ADGRE5: variants seen among roughly 807,000 people sequenced by gnomAD.
ADGRE5 encodes the protein adhesion G protein-coupled receptor E5.
In ADGRE5, 72 loss-of-function variants were observed where a neutral mutation model predicts 100.3. That is an observed-to-expected ratio of 0.72 (90% CI 0.59 to 0.87). The LOEUF is 0.87. Among genes scored for constraint, ADGRE5 ranks in the 40% least tolerant of loss-of-function variants. ADGRE5 has a pLI of 0.00. For synonymous variants in ADGRE5, 439 were observed against 447.8 expected, an observed-to-expected ratio of 0.98 and a Z score of 0.25; for missense variants, 959 against 1,094.7, an observed-to-expected ratio of 0.88 and a Z score of 1.75.
At chr19:14,393,589 G>C (rs74183092) in intron 4 of ADGRE5, among the ~76,000 whole-genome samples, 3 of 152,206 alleles carry the variant, frequency 2.0e-5, no homozygotes, top group African/African-American at 7.2e-5. Context: ...GAGTGGTGCA[G>C]AGGTGGGAGG....
intron 1 of ADGRE5, among the ~76,000 whole-genome samples, chr19:14,384,539 A>G (rs1238485962): frequency 6.6e-6 from 1 of 152,136 alleles, no homozygotes; most frequent in Admixed American, 6.5e-5. Context: ...TGGGGTCCCC[A>G]GTATTCCCAG....
intron 3 of ADGRE5, among the ~76,000 whole-genome samples, chr19:14,389,519 G>C (rs1002862990): frequency 4.0e-5 from 6 of 151,184 alleles, no homozygotes; most frequent in Non-Finnish European, 7.4e-5. Context: ...GATCACTTGA[G>C]GTTGGGAATT....
intron 11 of ADGRE5, among the ~76,000 whole-genome samples, chr19:14,402,024 A>C (rs1599629923): frequency 6.6e-6 from 1 of 151,984 alleles, no homozygotes; most frequent in African/African-American, 2.4e-5. Context: ...CCAGTTACTC[A>C]GGAGGCTGAA....
In ADGRE5 at chr19:14,400,405, C is replaced by T. The variant is rs558555310; in HGVS notation, c.898-981C>T. Among the ~76,000 whole-genome samples the T allele has an allele frequency of 8.5e-5, 13 of 152,226 alleles. 1 individual carries two copies. The East Asian group carries it at 2.3e-3, about 27-fold the overall frequency. On this transcript the variant is annotated intron_variant, in intron 9 of 19. Transcript: ENST00000242786. Reference sequence around the variant, plus strand: ...CTGGGTTCAAGTGATCCTCCCACCTCAGCCTCCAAACGCACTGGAAGTACA... The same window carrying T: ...CTGGGTTCAAGTGATCCTCCCACCTTAGCCTCCAAACGCACTGGAAGTACA...
At position 14,397,106 on chromosome 19, in the gene ADGRE5, C is replaced by T. The variant is rs374215660; in HGVS notation, c.508C>T (p.Pro170Ser). ...DVNECTSGQN[P>S]CHSSTHCLNN... is the part of the protein sequence containing the mutation. ...GAATGAATGCACCTCCGGACAAAACCCGTGCCACAGCTCCACCCACTGCCT... is the reference window on the plus strand; with the variant it reads ...GAATGAATGCACCTCCGGACAAAACTCGTGCCACAGCTCCACCCACTGCCT... The change falls in exon 6 of 20, where the codon CCG (proline) becomes TCG (serine). Residue 170 changes from proline (P) to serine (S), a missense_variant. Physicochemically the swap from Pro to Ser is moderately conservative, Grantham distance 74. Coordinates refer to ENST00000242786, the MANE Select transcript of ADGRE5 (RefSeq NM_078481.4). 1.9e-5 allele frequency: 30 copies of T among 1,613,980 alleles called. No individual in the cohort carries two copies. In the African/African-American group the frequency reaches 3.7e-4, roughly 20 times the overall value.
intron 5 of ADGRE5, among the ~76,000 whole-genome samples, 159 bp downstream of exon 5, chr19:14,396,632 G>A (rs1290815154): frequency 6.6e-6 from 1 of 152,258 alleles, no homozygotes; most frequent in Non-Finnish European, 1.5e-5. Flanking sequence ...TCCCAGGAAG[G>A]TCCTGCCACA....
chr19:14,402,903 G>C (rs773784495), intron 12 of ADGRE5, 41 bp downstream of exon 12: 6 of 1,605,236 alleles, frequency 3.7e-6, no homozygotes, highest in Non-Finnish European at 4.3e-6. Flanking sequence ...GATAACCCAG[G>C]GCCTTCGCAC....
rs149838230 is a variant in ADGRE5, at chr19:14,405,484, C to G, written c.1630-264C>G. On this transcript the variant is annotated intron_variant, in intron 13 of 19. Transcript: ENST00000242786. Reference sequence around the variant, plus strand: ...TGTACGTGACTTCAGTAGGATCCATCGTTAAGCTGGGCCTTGTCGAAAACT... The same window carrying G: ...TGTACGTGACTTCAGTAGGATCCATGGTTAAGCTGGGCCTTGTCGAAAACT... The G allele has an allele frequency of 4.8e-4, 218 of 452,036 alleles. 1 individual carries two copies. Among genetic ancestry groups the G allele is most frequent in the Non-Finnish European group, 6.8e-4 (174 of 254,734 alleles). The allele number at this position is 452,036 out of a possible 1,614,324, so 28.0% of individuals were successfully genotyped here.
At position 14,407,200 on chromosome 19, in the gene ADGRE5, T is replaced by C; in HGVS notation, c.2347T>C (p.Tyr783His). 6.2e-7 allele frequency: 1 copy of C among 1,613,974 alleles called. No homozygotes were observed. The highest frequency in any genetic ancestry group is 8.5e-7 in the Non-Finnish European group (1 of 1,179,944). Residue 783 changes from tyrosine to histidine, a missense_variant, in exon 18 of 20, where the codon TAC becomes CAC. Coordinates refer to ENST00000242786, the MANE Select transcript of ADGRE5 (RefSeq NM_078481.4). The stretch of plus-strand genomic sequence containing the variant: ...CAACTGCCTGCAGGGCGCCTTCCTC[T>C]ACCTGCTGCACTGCCTGCTCAACAA... ...ILNCLQGAFLYLLHCLLNKKV... is the reference protein window; with the variant it reads ...ILNCLQGAFLHLLHCLLNKKV...
Position 14,402,830 on chromosome 19 carries a change from G to A in ADGRE5, c.1417G>A (p.Asp473Asn), listed in dbSNP as rs373800132. Residue 473 changes from aspartate to asparagine, a missense_variant, in exon 12 of 20, where the codon GAT becomes AAT. Transcript: ENST00000242786. The stretch of plus-strand genomic sequence containing the variant: ...CGCCTTCTCCCACCTTGAGTCCTCC[G>A]ATGGGGAGGCGGGAAGAGACCCTCC... ...LFAFSHLESS[D>N]GEAGRDPPAK... 2.2e-5 allele frequency: 36 copies of A among 1,613,796 alleles called. No homozygotes were observed. The highest frequency in any genetic ancestry group is 6.6e-5 in the South Asian group (6 of 91,066).
At position 14,401,803 on chromosome 19, in the gene ADGRE5, G is replaced by T; in HGVS notation, c.1183+43G>T. On this transcript the variant is annotated intron_variant, in intron 11 of 19. Coordinates refer to ENST00000242786, the MANE Select transcript of ADGRE5 (RefSeq NM_078481.4). This position sits in a 1 kb window ranked among gnomAD's most constrained non-coding sequence, Gnocchi z 4.1. ...GAGGGGGAGCCCGTGGGAGAGAGAT[G>T]GAGGTGCTGGGATGGGGCCAGGGTG... is the stretch of plus-strand genomic sequence containing the variant. 1 of 1,340,098 alleles carries T rather than the reference G, an allele frequency of 7.5e-7. No individual in the cohort carries two copies. The highest frequency in any genetic ancestry group is 1.4e-5 in the South Asian group (1 of 70,336). The allele number at this position is 1,340,098 out of a possible 1,614,324, so 83.0% of individuals were successfully genotyped here. A position where few individuals can be genotyped will look rare whatever the true frequency, so the allele number is the denominator to read the frequency against.
intron 4 of ADGRE5, 69 bp from the exon 5 acceptor site, chr19:14,396,273 T>C: frequency 1.2e-6 from 2 of 1,613,130 alleles, no homozygotes; most frequent in Non-Finnish European, 1.7e-6. Context: ...CCAGGAAACA[T>C]GGCGGACCCT....
In ADGRE5 at chr19:14,391,042, A is replaced by C. The variant is rs777939112; in HGVS notation, c.309A>C (p.Ala103=). 4.3e-6 allele frequency: 7 copies of C among 1,614,108 alleles called. No homozygotes were observed. The South Asian group carries it at 7.7e-5, about 18-fold the overall frequency. The change falls in exon 4 of 20, where the codon GCA becomes GCC. Residue 103 remains alanine, a synonymous_variant. Coordinates refer to ENST00000242786, the MANE Select transcript of ADGRE5 (RefSeq NM_078481.4). Reference sequence around the variant, plus strand: ...CGGGATATGAGCCTGTTTCTGGGGCAAAAACATTCAAGAATGAGAGCGAGA... The same window carrying C: ...CGGGATATGAGCCTGTTTCTGGGGCCAAAACATTCAAGAATGAGAGCGAGA... ...CSPGYEPVSG[A]KTFKNESENT...
intron 9 of ADGRE5, among the ~76,000 whole-genome samples, chr19:14,400,790 T>A (rs1975978894): frequency 6.6e-6 from 1 of 151,732 alleles, no homozygotes; most frequent in Admixed American, 6.6e-5. Context: ...AGACTTAGTC[T>A]CAGATAAATA....
At chr19:14,386,119 C>T (rs986781593) in intron 1 of ADGRE5, among the ~76,000 whole-genome samples, 4 of 149,092 alleles carry the variant, frequency 2.7e-5, no homozygotes, top group African/African-American at 4.9e-5. Context: ...CAGGGCCTGG[C>T]GGCTTGTGCC....
In ADGRE5 at chr19:14,403,832, C is replaced by T. The variant is rs1034217288; in HGVS notation, c.1450-551C>T. ...TAATGCACTATCTACATTACTTATTCGTTAGGTTTATGTCATAATCTGCCT... is the reference window on the plus strand; with the variant it reads ...TAATGCACTATCTACATTACTTATTTGTTAGGTTTATGTCATAATCTGCCT... On this transcript the variant is annotated intron_variant, in intron 12 of 19. Transcript: ENST00000242786. Among the ~76,000 whole-genome samples the T allele has an allele frequency of 2.2e-5, 3 of 135,950 alleles. No homozygotes were observed. In the South Asian group the frequency reaches 7.5e-4, roughly 34 times the overall value. 89.2% of individuals were successfully genotyped at this position (135,950 alleles called of 152,430 possible).
chr19:14,400,106 G>A (rs571527908), intron 9 of ADGRE5, among the ~76,000 whole-genome samples: 50 of 151,630 alleles, frequency 3.3e-4, no homozygotes, highest in Non-Finnish European at 5.3e-4. Context: ...TGCAAGCTCC[G>A]CCTCCCGGGT....
rs954753896 is a variant in ADGRE5 at position 14,401,987 on chromosome 19, C to T, written c.1183+227C>T. 2.0e-5 allele frequency among the ~76,000 whole-genome samples: 3 copies of T among 152,024 alleles called. No homozygotes were observed. In the East Asian group the frequency reaches 5.8e-4, roughly 29 times the overall value. On this transcript the variant is annotated intron_variant, in intron 11 of 19. Transcript: ENST00000242786. The surrounding 1 kb of genome is among the most constrained non-coding windows in gnomAD (Gnocchi z 4.1). ...CTCTACAAAAAATACAAAAATTAGC[C>T]AGGTGTGGTGGCACGTGCCTGTAGT...
chr19:14,393,859 A>G (rs1975685234), intron 4 of ADGRE5, among the ~76,000 whole-genome samples: 1 of 152,140 alleles, frequency 6.6e-6, no homozygotes, highest in Non-Finnish European at 1.5e-5. Flanking sequence ...TGGCCAGAGG[A>G]GACAGAGTCT....
Sources: allele counts gnomAD v4.1 joint callset (sites outside exome capture counted in the v4.1 genomes callset), GRCh38; gene constraint gnomAD v4.1.1; non-coding constraint Gnocchi (gnomAD v3.1); transcripts MANE v1.5; gene names NCBI Gene and HGNC (gene_info 2026-07-23, HGNC 2026-07-21).